The following LRMDA variants were observed in gnomAD, a reference collection of about 807,000 sequenced individuals.
The protein encoded by LRMDA is leucine-rich melanocyte differentiation-associated protein.
Under a neutral mutation model 29.8 loss-of-function variants are expected in LRMDA, and 18 were observed. The observed-to-expected ratio is 0.60, with a 90% confidence interval of 0.42 to 0.90. LRMDA has a LOEUF of 0.90. Ranked by LOEUF, LRMDA falls within the 40% of genes least tolerant of loss-of-function variation. The pLI, the probability that LRMDA is intolerant of heterozygous loss-of-function variation, is 0.00. For synonymous variants in LRMDA, 125 were observed against 109.4 expected, an observed-to-expected ratio of 1.14 and a Z score of -0.89; for missense variants, 273 against 273.9, an observed-to-expected ratio of 1.00 and a Z score of 0.02.
At chr10:76,517,923 AATATATATATATAAACATATAT>A (rs1564564636) in intron 6 of LRMDA, among the ~76,000 whole-genome samples, 1 of 87,544 alleles carries the variant, frequency 1.1e-5, no homozygotes, top group African/African-American at 3.6e-5. Context: ...GAAGCAGAGA[AATATATATATATAAACATATAT>A]ATATATATAT....
intron 2 of LRMDA, among the ~76,000 whole-genome samples, chr10:75,682,050 G>A (rs1426008368): frequency 6.6e-6 from 1 of 152,136 alleles, no homozygotes; most frequent in Non-Finnish European, 1.5e-5. Context: ...TTGTGACATT[G>A]TAACTCCTTC....
At chr10:75,663,779 A>G (rs1841785124) in intron 2 of LRMDA, among the ~76,000 whole-genome samples, 1 of 151,920 alleles carries the variant, frequency 6.6e-6, no homozygotes, top group East Asian at 1.9e-4. Context: ...TGTATTCCCT[A>G]TGTAGATCTA....
At chr10:75,835,386 T>C (rs1268822877) in intron 2 of LRMDA, among the ~76,000 whole-genome samples, 1 of 152,214 alleles carries the variant, frequency 6.6e-6, no homozygotes, top group Admixed American at 6.5e-5. Context: ...ATAAGTACTA[T>C]TGTGATGACA....
chr10:75,567,233 G>A lies in LRMDA; in HGVS notation c.131+128739G>A, dbSNP rs190879931. Reference sequence around the variant, plus strand: ...GTTGCCTTCAGAGTTAAGTCTGATCGGTTCAGCACAGGCATCAAGGCCTTC... The same window carrying A: ...GTTGCCTTCAGAGTTAAGTCTGATCAGTTCAGCACAGGCATCAAGGCCTTC... On this transcript the variant is annotated intron_variant, in intron 2 of 6. Coordinates refer to ENST00000611255, the MANE Select transcript of LRMDA (RefSeq NM_001305581.2). Among the ~76,000 whole-genome samples, 101 of 152,040 alleles carry A rather than the reference G, an allele frequency of 6.6e-4. 1 individual carries two copies. In the East Asian group the frequency reaches 9.4e-3, roughly 14 times the overall value.
intron 6 of LRMDA, among the ~76,000 whole-genome samples, chr10:76,430,918 A>T (rs1299440141): frequency 6.6e-6 from 1 of 152,202 alleles, no homozygotes; most frequent in Non-Finnish European, 1.5e-5. Flanking sequence ...AGTAGAGATT[A>T]TATCCATTTC....
rs1004158434 is a variant in LRMDA, at chr10:75,981,865, A to G, written c.132-54143A>G. ...GACTCCATCTCAAAAAAAAAAAAAA[A>G]AAAGTGAGTGAGTGATAGGATGGAA... On this transcript the variant is annotated intron_variant, in intron 2 of 6. Transcript: ENST00000611255. 2.5e-3 allele frequency among the ~76,000 whole-genome samples: 381 copies of G among 152,124 alleles called. 1 individual carries two copies. Among genetic ancestry groups the G allele is most frequent in the Middle Eastern group, 0.01 (3 of 294 alleles).
At chr10:76,180,134 T>G (rs11814875) in intron 5 of LRMDA, among the ~76,000 whole-genome samples, 2,568 of 151,908 alleles carry the variant, frequency 0.017, 73 homozygotes, top group African/African-American at 0.057. Context: ...GTAAACTTGA[T>G]GATAGGGAAA....
At chr10:76,406,481 T>C (rs1841902916) in intron 6 of LRMDA, among the ~76,000 whole-genome samples, 1 of 152,240 alleles carries the variant, frequency 6.6e-6, no homozygotes, top group Non-Finnish European at 1.5e-5. Context: ...CAGTTGGAGA[T>C]ACCCGTTGAG....
chr10:76,142,945 G>T (rs1369151540), intron 5 of LRMDA, among the ~76,000 whole-genome samples: 1 of 150,476 alleles, frequency 6.6e-6, no homozygotes. Context: ...TGCGGTGTTT[G>T]GTTTTTTGTC....
intron 2 of LRMDA, among the ~76,000 whole-genome samples, chr10:75,781,437 A>G (rs1421537315): frequency 6.6e-6 from 1 of 152,238 alleles, no homozygotes; most frequent in Non-Finnish European, 1.5e-5. Context: ...ATTATTCACC[A>G]TGAGAAATAT....
chr10:75,634,062 G>A (rs150022103), intron 2 of LRMDA, among the ~76,000 whole-genome samples: 138 of 152,270 alleles, frequency 9.1e-4, no homozygotes, highest in African/African-American at 3.1e-3. Context: ...AGGGTCAAAG[G>A]AGAAAACCAA....
chr10:75,985,965 T>G (rs546565847), intron 2 of LRMDA, among the ~76,000 whole-genome samples: 10 of 152,354 alleles, frequency 6.6e-5, no homozygotes, highest in Non-Finnish European at 1.2e-4. Flanking sequence ...GTAGAAAGGC[T>G]CTTGTATCAA....
At chr10:76,263,146 T>G (rs1208137130) in intron 5 of LRMDA, among the ~76,000 whole-genome samples, 1 of 152,248 alleles carries the variant, frequency 6.6e-6, no homozygotes, top group Non-Finnish European at 1.5e-5. Flanking sequence ...ATCTTTACTT[T>G]GGAAGGTACC....
intron 2 of LRMDA, among the ~76,000 whole-genome samples, chr10:75,904,266 A>G (rs960070972): frequency 3.3e-5 from 5 of 152,104 alleles, no homozygotes; most frequent in Admixed American, 2.6e-4. Flanking sequence ...GGTGGCCCTG[A>G]TAGTGTTCTT....
intron 2 of LRMDA, among the ~76,000 whole-genome samples, chr10:75,928,455 C>A (rs749455708): frequency 2.0e-5 from 3 of 152,056 alleles, no homozygotes; most frequent in Non-Finnish European, 4.4e-5. Flanking sequence ...AATGGCAGTA[C>A]ATTTGGCAAC....
At chr10:75,762,092 C>A (rs193193205) in intron 2 of LRMDA, among the ~76,000 whole-genome samples, 2 of 152,300 alleles carry the variant, frequency 1.3e-5, no homozygotes, top group East Asian at 3.9e-4. Flanking sequence ...GGATTACAGG[C>A]ATGAGCCACC....
At chr10:76,356,138 T>C (rs1841236711) in intron 6 of LRMDA, among the ~76,000 whole-genome samples, 1 of 152,202 alleles carries the variant, frequency 6.6e-6, no homozygotes, top group Admixed American at 6.5e-5. Flanking sequence ...AGGACAGGTA[T>C]AACTGGACAA....
chr10:76,429,027 C>CACACACACAA (rs1842161221), intron 6 of LRMDA, among the ~76,000 whole-genome samples: 1 of 150,438 alleles, frequency 6.6e-6, no homozygotes. Context: ...CAATTATACA[C>CACACACACAA]ACACACACAC....
At chr10:75,671,541 A>G (rs755666229) in intron 2 of LRMDA, among the ~76,000 whole-genome samples, 12 of 152,162 alleles carry the variant, frequency 7.9e-5, no homozygotes, top group Non-Finnish European at 1.2e-4. Context: ...CAGGAACAGA[A>G]AACCAAACAC....
Sources: gnomAD v4.1 joint callset for allele counts (sites outside exome capture counted in the v4.1 genomes callset) on GRCh38, gnomAD v4.1.1 for gene constraint, MANE v1.5 for transcripts, NCBI Gene and HGNC (gene_info 2026-07-23, HGNC 2026-07-21) for gene names.